BCKDHB: variants seen among roughly 807,000 people sequenced by gnomAD.
BCKDHB encodes the protein branched chain keto acid dehydrogenase E1 subunit beta, also known as 2-oxoisovalerate dehydrogenase subunit beta, mitochondrial.
A neutral mutation model predicts 48.5 loss-of-function variants in BCKDHB; 41 were observed. The ratio of observed to expected loss-of-function variants is 0.85; its 90% CI spans 0.66 to 1.10. BCKDHB has a LOEUF of 1.10. Among genes scored for constraint, BCKDHB ranks in the 50% least tolerant of loss-of-function variants. BCKDHB has a pLI of 0.00. For missense variants in BCKDHB, 496 were observed against 494.2 expected (o/e 1.00, Z -0.03); for synonymous variants, 201 against 174.8 (o/e 1.15, Z -1.18).
At chr6:80,411,885 G>A in the BCKDHB span, among the ~76,000 whole-genome samples, 15 of 152,238 alleles carry the variant, frequency 9.9e-5, no homozygotes, top group African/African-American at 3.4e-4. Flanking sequence ...GGTTAGGAAA[G>A]GGAAATCCCC....
chr6:80,409,564 T>C, the BCKDHB span, among the ~76,000 whole-genome samples: 29 of 120,140 alleles, frequency 2.4e-4, no homozygotes, highest in Non-Finnish European at 4.8e-4. Context: ...TGGGTGCTCT[T>C]GTATTGGTTG....
At chr6:80,451,266 G>A in the BCKDHB span, among the ~76,000 whole-genome samples, 4 of 152,082 alleles carry the variant, frequency 2.6e-5, no homozygotes, top group South Asian at 2.1e-4. Flanking sequence ...GGTGATCAGC[G>A]TATAGGCTCT....
At chr6:80,314,336 C>T (rs4446525) in intron 9 of BCKDHB, among the ~76,000 whole-genome samples, 45,400 of 152,088 alleles carry the variant, frequency 0.3, 7,203 homozygotes, top group Non-Finnish European at 0.37. Flanking sequence ...AATCTGGCTG[C>T]GTTTTGGTGG....
At chr6:80,334,999 C>G (rs1399357176) in intron 9 of BCKDHB, among the ~76,000 whole-genome samples, 2 of 151,702 alleles carry the variant, frequency 1.3e-5, no homozygotes, top group Non-Finnish European at 2.9e-5. Context: ...TCACTCTATT[C>G]TGGTAGTTTC....
chr6:80,142,423 C>T (rs761417884), intron 3 of BCKDHB, among the ~76,000 whole-genome samples: 29 of 151,928 alleles, frequency 1.9e-4, no homozygotes, highest in Non-Finnish European at 4.1e-4. Flanking sequence ...CTGACCCATA[C>T]GTAAAGGTAG....
At chr6:80,376,929 A>C in the BCKDHB span, among the ~76,000 whole-genome samples, 1 of 152,056 alleles carries the variant, frequency 6.6e-6, no homozygotes, top group Non-Finnish European at 1.5e-5. Flanking sequence ...AGTTCTTTGT[A>C]TATTCTAGAT....
chr6:80,419,198 A>C, the BCKDHB span, among the ~76,000 whole-genome samples: 1 of 152,292 alleles, frequency 6.6e-6, no homozygotes, highest in Admixed American at 6.5e-5. Context: ...ACACCAGCAA[A>C]GTGATGTGGG....
intron 9 of BCKDHB, among the ~76,000 whole-genome samples, chr6:80,334,017 A>G (rs959277137): frequency 1.3e-5 from 2 of 152,130 alleles, no homozygotes; most frequent in African/African-American, 4.8e-5. Flanking sequence ...CATTTACCCA[A>G]TTATGGGAGT....
intron 3 of BCKDHB, among the ~76,000 whole-genome samples, chr6:80,151,397 A>G (rs952643902): frequency 6.6e-6 from 1 of 151,466 alleles, no homozygotes; most frequent in African/African-American, 2.4e-5. Flanking sequence ...ATATAATGAT[A>G]TTATTTAATT....
At chr6:80,115,782 G>T (rs1026836788) in intron 1 of BCKDHB, among the ~76,000 whole-genome samples, 6 of 151,768 alleles carry the variant, frequency 4.0e-5, no homozygotes, top group African/African-American at 1.2e-4. Flanking sequence ...AACTACAGGC[G>T]CCTGCCACCA....
intron 9 of BCKDHB, among the ~76,000 whole-genome samples, chr6:80,287,879 T>C (rs982083858): frequency 5.9e-5 from 9 of 152,168 alleles, no homozygotes; most frequent in Non-Finnish European, 1.0e-4. Context: ...CCTTACTTTC[T>C]GCCTAAAGCA....
chr6:80,227,977 T>G (rs1030009638), intron 8 of BCKDHB, among the ~76,000 whole-genome samples: 13 of 152,168 alleles, frequency 8.5e-5, no homozygotes, highest in Admixed American at 2.6e-4. Flanking sequence ...ATGTGGTGAT[T>G]AGGCTTTTCA....
intron 5 of BCKDHB, among the ~76,000 whole-genome samples, chr6:80,170,656 C>A (rs1290476744): frequency 6.6e-6 from 1 of 152,170 alleles, no homozygotes; most frequent in Non-Finnish European, 1.5e-5. Flanking sequence ...TTCCTACTGT[C>A]ATTATCATCT....
rs1357664910 is a variant in BCKDHB, at chr6:80,345,151, A to G, written c.*1347A>G. On this transcript the variant is annotated 3_prime_UTR_variant, in exon 10 of 10. Transcript: ENST00000320393. ...CAGTGGTGTTATTCTAACAAAATGA[A>G]TACATTACAAATTATTAAGTTAGCT... is the stretch of plus-strand genomic sequence containing the variant. The G allele has an allele frequency of 6.6e-6, 1 of 152,200 alleles. No individual in the cohort carries two copies. The highest frequency in any genetic ancestry group is 1.5e-5 in the Non-Finnish European group (1 of 68,040). 9.4% of individuals were successfully genotyped at this position (152,200 alleles called of 1,614,324 possible).
At chr6:80,351,559 G>A in the BCKDHB span, among the ~76,000 whole-genome samples, 2 of 151,898 alleles carry the variant, frequency 1.3e-5, no homozygotes, top group Non-Finnish European at 2.9e-5. Flanking sequence ...CACTGTGACT[G>A]GTGAAGGAAT....
chr6:80,358,929 G>A, the BCKDHB span, among the ~76,000 whole-genome samples: 7 of 152,284 alleles, frequency 4.6e-5, no homozygotes, highest in Admixed American at 1.3e-4. Context: ...TGTGTGGCAT[G>A]ACAAGCAGTG....
At chr6:80,190,171 A>G (rs1434256687) in intron 6 of BCKDHB, among the ~76,000 whole-genome samples, 1 of 152,162 alleles carries the variant, frequency 6.6e-6, no homozygotes, top group Non-Finnish European at 1.5e-5. Flanking sequence ...TTAATTTGAG[A>G]AAATGGTAGG....
At chr6:80,450,824 C>T in the BCKDHB span, among the ~76,000 whole-genome samples, 5 of 152,238 alleles carry the variant, frequency 3.3e-5, no homozygotes, top group East Asian at 9.7e-4. Flanking sequence ...ACAGGGTAAT[C>T]ATCTCTAGTC....
At chr6:80,174,948 G>A (rs1773081533) in intron 6 of BCKDHB, among the ~76,000 whole-genome samples, 1 of 152,126 alleles carries the variant, frequency 6.6e-6, no homozygotes, top group East Asian at 1.9e-4. Flanking sequence ...ATACATTTAT[G>A]AATTATGTAA....
Sources: allele counts gnomAD v4.1 joint callset (sites outside exome capture counted in the v4.1 genomes callset), GRCh38; gene constraint gnomAD v4.1.1; transcripts MANE v1.5; gene names NCBI Gene and HGNC (gene_info 2026-07-23, HGNC 2026-07-21).